The following HAS2 variants were observed in gnomAD, a reference collection of about 807,000 sequenced individuals.
HAS2 encodes the protein HA synthase 2.
Under a neutral mutation model 51.6 loss-of-function variants are expected in HAS2, and 16 were observed. The ratio of observed to expected loss-of-function variants is 0.31; its 90% confidence interval spans 0.21 to 0.47. The LOEUF (loss-of-function observed/expected upper bound fraction) is 0.47, where lower values mean the gene tolerates loss of function less well. Among genes scored for constraint, HAS2 ranks in the 20% least tolerant of loss-of-function variants. The probability of loss-of-function intolerance (pLI) is 1.00; values close to 1 mark genes in which losing one functional copy is unlikely to be tolerated. For missense variants in HAS2, 361 were observed against 662.6 expected, an observed-to-expected ratio of 0.54 and a Z score of 5.00; for synonymous variants, 228 against 235.5, an observed-to-expected ratio of 0.97 and a Z score of 0.29.
intron 2 of HAS2, 78 bp from the exon 3 acceptor site, chr8:121,617,284 T>C: frequency 1.2e-6 from 1 of 804,296 alleles, no homozygotes; most frequent in Non-Finnish European, 2.1e-6. Flanking sequence ...AAATTTCACA[T>C]ACATACTGTG....
At chr8:121,619,122 A>G (rs1216216911) in intron 2 of HAS2, among the ~76,000 whole-genome samples, 2 of 152,086 alleles carry the variant, frequency 1.3e-5, no homozygotes, top group South Asian at 2.1e-4. Context: ...CACCTGTGTT[A>G]GGAAGAGCAG....
At chr8:121,629,397 A>G in intron 1 of HAS2, 57 bp from the exon 2 acceptor site, 2 of 1,330,200 alleles carry the variant, frequency 1.5e-6, no homozygotes, top group Admixed American at 1.9e-5. Flanking sequence ...CACTTGTTAT[A>G]TACCTAGTAT....
chr8:121,624,771 C>G (rs944060986), intron 2 of HAS2, among the ~76,000 whole-genome samples: 1 of 152,106 alleles, frequency 6.6e-6, no homozygotes. Flanking sequence ...TACGCATGTT[C>G]AGTAAGAGAC....
intron 2 of HAS2, among the ~76,000 whole-genome samples, chr8:121,624,573 A>C (rs1812815994): frequency 6.6e-6 from 1 of 152,240 alleles, no homozygotes; most frequent in South Asian, 2.1e-4. Context: ...TTTTCCCCAA[A>C]GAATTCTGGA....
chr8:121,621,559 T>C (rs904922175), intron 2 of HAS2, among the ~76,000 whole-genome samples: 2 of 152,204 alleles, frequency 1.3e-5, no homozygotes, highest in Admixed American at 6.5e-5. Flanking sequence ...AAGGATTATG[T>C]CAATTATCAC....
intron 3 of HAS2, among the ~76,000 whole-genome samples, chr8:121,616,576 C>T (rs1473084100): frequency 1.3e-5 from 2 of 151,912 alleles, no homozygotes; most frequent in Admixed American, 6.6e-5. Flanking sequence ...GCTGGGACTA[C>T]AGTCGCACAC....
At chr8:121,621,934 G>C (rs1456267655) in intron 2 of HAS2, among the ~76,000 whole-genome samples, 2 of 152,000 alleles carry the variant, frequency 1.3e-5, no homozygotes, top group Non-Finnish European at 2.9e-5. Flanking sequence ...AATTACTCTG[G>C]CTGCCTCCAA....
rs1207461111 is a variant in HAS2, at chr8:121,640,900, T to G, written c.-48A>C. On this transcript the variant is annotated 5_prime_UTR_variant, in exon 1 of 4. Transcript: ENST00000303924. ...AGTCGTCCTCAGCCTGTCTGTGTGG[T>G]CCCGGAGGGTCGGTGGCGGGCAGTT... The G allele has an allele frequency of 1.3e-5, 2 of 151,990 alleles. No individual in the cohort carries two copies. Among genetic ancestry groups the G allele is most frequent in the African/African-American group, 4.8e-5 (2 of 41,342 alleles). The allele number at this position is 151,990 out of a possible 1,614,324, so 9.4% of individuals were successfully genotyped here.
Position 121,621,203 on chromosome 8 carries a change from T to A in HAS2, c.628-3997A>T, listed in dbSNP as rs1812768925. ...AACAGTGAAGTTGAGATTAAATATG[T>A]TTGAAGCCCAATTTTAATTTAGTAG... is the stretch of plus-strand genomic sequence containing the variant. On this transcript the variant is annotated intron_variant, in intron 2 of 3. Coordinates refer to ENST00000303924, the MANE Select transcript of HAS2 (RefSeq NM_005328.3). Among the ~76,000 whole-genome samples, 3 of 152,226 alleles carry A rather than the reference T, an allele frequency of 2.0e-5. No homozygotes were observed. In the South Asian group the frequency reaches 6.2e-4, roughly 32 times the overall value.
rs1376041424 is a variant in HAS2 at position 121,612,654 on chromosome 8, A to AAT, written c.*1453_*1454dup. 1.3e-5 allele frequency: 2 copies of AAT among 152,160 alleles called. No individual in the cohort carries two copies. The highest frequency in any genetic ancestry group is 2.9e-5 in the Non-Finnish European group (2 of 68,020). The allele number at this position is 152,160 out of a possible 1,614,324, so 9.4% of individuals were successfully genotyped here. The stretch of plus-strand genomic sequence containing the variant: ...GATAATGGAGGCCTTGCAGTAACTA[A>AAT]ATTAGCCAAGTTCAGAGTATGTGGT... On this transcript the variant is annotated 3_prime_UTR_variant, in exon 4 of 4. Coordinates refer to ENST00000303924, the MANE Select transcript of HAS2 (RefSeq NM_005328.3).
chr8:121,614,481 T>C lies in HAS2; in HGVS notation c.1287A>G (p.Gly429=). 1.2e-6 allele frequency: 2 copies of C among 1,613,970 alleles called. No individual in the cohort carries two copies. Among genetic ancestry groups the C allele is most frequent in the Non-Finnish European group, 1.7e-6 (2 of 1,179,832 alleles). ...GAGACATGAAGACCATGACGATATT[T>C]CCTCTAAGGCAGCTGGCAAAAGATG... ...IKSSFASCLR[G]NIVMVFMSLY... is the part of the protein sequence containing the mutation. The change falls in exon 4 of 4, where the codon GGA becomes GGG. Residue 429 remains glycine (G), a synonymous_variant. Coordinates refer to ENST00000303924, the MANE Select transcript of HAS2 (RefSeq NM_005328.3). The surrounding 1 kb of genome is among the most constrained non-coding windows in gnomAD (Gnocchi z 7.2).
chr8:121,632,656 T>C (rs1454756022), intron 1 of HAS2, among the ~76,000 whole-genome samples: 1 of 152,176 alleles, frequency 6.6e-6, no homozygotes, highest in African/African-American at 2.4e-5. Flanking sequence ...TTCACTAACG[T>C]GTCCCAAGGA....
At chr8:121,621,492 A>T (rs1330389426) in intron 2 of HAS2, among the ~76,000 whole-genome samples, 1 of 152,228 alleles carries the variant, frequency 6.6e-6, no homozygotes, top group East Asian at 1.9e-4. Flanking sequence ...AAGTATTTCC[A>T]TTAGTATAAG....
chr8:121,614,986 C>T lies in HAS2; in HGVS notation c.782G>A (p.Trp261Ter). ...GGCCCTTTCTATATTAAAAGCCATC[C>T]AATATCTTACACTGCTGAGGAATGA... is the stretch of plus-strand genomic sequence containing the variant. ...WISFLSSVRY[W>*]MAFNIERACQ... is the part of the protein sequence containing the mutation. The change falls in exon 4 of 4, where the codon TGG (tryptophan) becomes TAG (stop). Residue 261 changes from tryptophan to a stop codon, truncating the protein, a stop_gained. Transcript: ENST00000303924. LOFTEE classifies it high-confidence loss of function. This position sits in a 1 kb window ranked among gnomAD's most constrained non-coding sequence, Gnocchi z 7.2. 6.2e-7 allele frequency: 1 copy of T among 1,613,334 alleles called. No individual in the cohort carries two copies. The highest frequency in any genetic ancestry group is 8.5e-7 in the Non-Finnish European group (1 of 1,179,358).
intron 3 of HAS2, among the ~76,000 whole-genome samples, chr8:121,615,894 G>A (rs1563619560): frequency 6.6e-6 from 1 of 152,002 alleles, no homozygotes; most frequent in East Asian, 1.9e-4. Context: ...AAAATTATCA[G>A]CTTTTTTTGG....
chr8:121,617,816 G>C (rs1812724862), intron 2 of HAS2, among the ~76,000 whole-genome samples: 1 of 152,038 alleles, frequency 6.6e-6, no homozygotes, highest in Non-Finnish European at 1.5e-5. Context: ...TAGTTCTAAA[G>C]TCCATATGAC....
intron 1 of HAS2, among the ~76,000 whole-genome samples, chr8:121,633,963 T>C (rs972798997): frequency 6.7e-6 from 1 of 149,750 alleles, no homozygotes; most frequent in African/African-American, 2.5e-5. Context: ...CAGGTTGGAG[T>C]GCAATGGCAC....
At position 121,634,935 on chromosome 8, in the gene HAS2, T is replaced by G. The variant is rs183333614; in HGVS notation, c.1-5595A>C. ...TCTGAGCTATCTTATGAGCTCAGGG[T>G]TCAAGTTTGGGGCATCAACTTTTAT... On this transcript the variant is annotated intron_variant, in intron 1 of 3. Coordinates refer to ENST00000303924, the MANE Select transcript of HAS2 (RefSeq NM_005328.3). Among the ~76,000 whole-genome samples the G allele has an allele frequency of 1.7e-3, 253 of 152,144 alleles. 1 individual carries two copies. The highest frequency in any genetic ancestry group is 5.3e-3 in the African/African-American group (220 of 41,512).
At position 121,629,188 on chromosome 8, in the gene HAS2, G is replaced by A; in HGVS notation, c.153C>T (p.Ala51=). 1 of 1,614,036 alleles carries A rather than the reference G, an allele frequency of 6.2e-7. No homozygotes were observed. The highest frequency in any genetic ancestry group is 1.1e-5 in the South Asian group (1 of 91,076). ...GGATGATGAGGTGTGATGCCAAAAA[G>A]GCACCATACAGTCCAAAAGAGAAAT... is the stretch of plus-strand genomic sequence containing the variant. ...NYYFSFGLYG[A]FLASHLIIQS... is the part of the protein sequence containing the mutation. The change falls in exon 2 of 4, where the codon GCC becomes GCT. Residue 51 remains alanine, a synonymous_variant. Coordinates refer to ENST00000303924, the MANE Select transcript of HAS2 (RefSeq NM_005328.3).
Sources: allele counts gnomAD v4.1 joint callset (sites outside exome capture counted in the v4.1 genomes callset), GRCh38; gene constraint gnomAD v4.1.1; non-coding constraint Gnocchi (gnomAD v3.1); transcripts MANE v1.5; gene names NCBI Gene and HGNC (gene_info 2026-07-23, HGNC 2026-07-21).